Variants in ANO6 observed in about 807,000 individuals in gnomAD.
The protein encoded by ANO6 is anoctamin-6.
A neutral mutation model predicts 117.5 loss-of-function variants in ANO6; 106 were observed. The ratio of observed to expected loss-of-function variants is 0.90; its 90% CI spans 0.77 to 1.06. The LOEUF is 1.06. ANO6 is among the 50% of genes least tolerant of loss of function. ANO6 has a pLI of 0.00. For missense variants in ANO6, 955 were observed against 1,121.1 expected, an observed-to-expected ratio of 0.85 and a Z score of 2.12; for synonymous variants, 367 against 385.1, an observed-to-expected ratio of 0.95 and a Z score of 0.55.
intron 8 of ANO6, among the ~76,000 whole-genome samples, chr12:45,359,654 C>G (rs1349008636): frequency 6.6e-6 from 1 of 152,210 alleles, no homozygotes; most frequent in East Asian, 1.9e-4. Flanking sequence ...AAATAATACT[C>G]CATGTGTGTA....
downstream of ANO6, among the ~76,000 whole-genome samples, chr12:45,433,301 G>T (rs1943669421): frequency 6.6e-6 from 1 of 152,202 alleles, no homozygotes. Flanking sequence ...GCTATAGCAT[G>T]CTCTGAATAA....
At chr12:45,271,311 T>C (rs1324257947) in intron 1 of ANO6, among the ~76,000 whole-genome samples, 2 of 152,358 alleles carry the variant, frequency 1.3e-5, no homozygotes, top group East Asian at 3.9e-4. Context: ...TAAATGATGC[T>C]ATTTTATAAA....
chr12:45,301,907 A>G (rs1211078622), intron 1 of ANO6, 107 bp from the exon 2 acceptor site: 7 of 897,530 alleles, frequency 7.8e-6, no homozygotes, highest in South Asian at 4.1e-5. Context: ...AAACCTGTCA[A>G]TGTGCTACCA....
At chr12:45,385,860 T>G (rs1443341743) in intron 10 of ANO6, among the ~76,000 whole-genome samples, 2 of 152,196 alleles carry the variant, frequency 1.3e-5, no homozygotes, top group Non-Finnish European at 2.9e-5. Context: ...AAACAAACAC[T>G]GCTAGGAAGT....
At chr12:45,336,599 G>A (rs543192253) in intron 3 of ANO6, among the ~76,000 whole-genome samples, 1 of 151,994 alleles carries the variant, frequency 6.6e-6, no homozygotes, top group East Asian at 1.9e-4. Context: ...GGTCATGCTG[G>A]TATAAACAAA....
intron 12 of ANO6, among the ~76,000 whole-genome samples, chr12:45,395,133 A>G (rs1942574429): frequency 6.6e-6 from 1 of 152,198 alleles, no homozygotes; most frequent in Non-Finnish European, 1.5e-5. Context: ...AATCAAGTAG[A>G]TGCAATAAAA....
intron 12 of ANO6, among the ~76,000 whole-genome samples, chr12:45,391,587 G>A (rs1164340688): frequency 6.6e-6 from 1 of 151,954 alleles, no homozygotes; most frequent in Non-Finnish European, 1.5e-5. Flanking sequence ...AAAATTAAAG[G>A]CCAGGCATGG....
intron 3 of ANO6, among the ~76,000 whole-genome samples, chr12:45,346,316 C>G (rs933780074): frequency 3.7e-4 from 57 of 152,244 alleles, no homozygotes; most frequent in African/African-American, 1.3e-3. Context: ...TGCATGCTTC[C>G]CTTACAACTT....
At chr12:45,270,647 A>G (rs201221752) in intron 1 of ANO6, 2 of 449,260 alleles carry the variant, frequency 4.5e-6, no homozygotes, top group Non-Finnish European at 7.9e-6. Flanking sequence ...GGTTTCAGAT[A>G]ATATTTGTTG....
intron 9 of ANO6, among the ~76,000 whole-genome samples, chr12:45,375,952 C>G (rs1038956364): frequency 5.5e-4 from 82 of 148,724 alleles, no homozygotes; most frequent in African/African-American, 2.0e-3. Flanking sequence ...TCGCAACCTA[C>G]TCATCTGACA....
intron 1 of ANO6, among the ~76,000 whole-genome samples, chr12:45,232,982 T>A (rs1046294341): frequency 3.3e-5 from 5 of 152,182 alleles, no homozygotes; most frequent in Non-Finnish European, 7.3e-5. Flanking sequence ...TTCCCTGCAC[T>A]CCATCTTTTC....
chr12:45,363,036 T>A (rs1424372434), intron 8 of ANO6, among the ~76,000 whole-genome samples: 1 of 152,192 alleles, frequency 6.6e-6, no homozygotes, highest in African/African-American at 2.4e-5. Flanking sequence ...ATGTGTCTAT[T>A]TAAGCCTGAA....
chr12:45,240,023 C>T (rs1221632893), intron 1 of ANO6, among the ~76,000 whole-genome samples: 2 of 152,074 alleles, frequency 1.3e-5, no homozygotes, highest in Non-Finnish European at 2.9e-5. Context: ...GAGAATTCTG[C>T]AGCTGTCTAT....
At chr12:45,284,198 C>G (rs1231276734) in intron 1 of ANO6, among the ~76,000 whole-genome samples, 1 of 152,216 alleles carries the variant, frequency 6.6e-6, no homozygotes, top group African/African-American at 2.4e-5. Context: ...GGAAACCCAG[C>G]AAGGCCTGTG....
intron 2 of ANO6, among the ~76,000 whole-genome samples, chr12:45,321,385 G>A (rs1940264936): frequency 6.6e-6 from 1 of 152,058 alleles, no homozygotes. Context: ...TTGCCACCAT[G>A]CTTAGGTCAG....
At chr12:45,433,367 A>C (rs1033102690), downstream of ANO6, among the ~76,000 whole-genome samples, 1 of 152,160 alleles carries the variant, frequency 6.6e-6, no homozygotes, top group Non-Finnish European at 1.5e-5. Flanking sequence ...TATTACCGAT[A>C]CAAGGGCAGT....
Position 45,216,291 on chromosome 12 carries a change from G to A in ANO6, c.-31G>A, listed in dbSNP as rs759934650. 1 of 1,589,538 alleles carries A rather than the reference G, an allele frequency of 6.3e-7. No homozygotes were observed. On this transcript the variant is annotated 5_prime_UTR_variant, in exon 1 of 20. Coordinates refer to ENST00000320560, the MANE Select transcript of ANO6 (RefSeq NM_001025356.3). ...GGAACCCGGGAGCCCCCAACTTCGC[G>A]CCAAGTTCGGAGCCGCCTTCTGAGG...
Position 45,388,270 on chromosome 12 carries a change from A to T in ANO6, c.1275A>T (p.Arg425=). 1 of 1,614,120 alleles carries T rather than the reference A, an allele frequency of 6.2e-7. No individual in the cohort carries two copies. The highest frequency in any genetic ancestry group is 1.1e-5 in the South Asian group (1 of 91,074). The change falls in exon 11 of 20, where the codon CGA becomes CGT. Residue 425 remains arginine (R), a synonymous_variant. Transcript: ENST00000320560. ...EEQARPEYEA[R]CTHVVINEIT... ...AAGCCCGACCAGAATACGAAGCACGATGTACTCACGTAGTGATAAATGAGA... is the reference window on the plus strand; with the variant it reads ...AAGCCCGACCAGAATACGAAGCACGTTGTACTCACGTAGTGATAAATGAGA...
intron 1 of ANO6, among the ~76,000 whole-genome samples, chr12:45,288,041 C>G (rs1357973765): frequency 6.6e-6 from 1 of 152,140 alleles, no homozygotes; most frequent in Non-Finnish European, 1.5e-5. Flanking sequence ...GAGTCCCCTC[C>G]ACCCGTCAGA....
Sources: allele counts gnomAD v4.1 joint callset (sites outside exome capture counted in the v4.1 genomes callset), GRCh38; gene constraint gnomAD v4.1.1; transcripts MANE v1.5; gene names NCBI Gene and HGNC (gene_info 2026-07-23, HGNC 2026-07-21).